The following STRN4 variants were observed in gnomAD, a reference collection of about 807,000 sequenced individuals.
STRN4 encodes striatin-4.
In STRN4, 27 loss-of-function variants were observed where a neutral mutation model predicts 77.9. The observed-to-expected ratio is 0.35, with a 90% CI of 0.26 to 0.48. The LOEUF is 0.48. Ranked by LOEUF, STRN4 falls within the 20% of genes least tolerant of loss-of-function variation. STRN4 has a pLI of 0.99. For synonymous variants in STRN4, 466 were observed against 443.1 expected (o/e 1.05, Z -0.65); for missense variants, 798 against 1,049.7 (o/e 0.76, Z 3.31).
intron 8 of STRN4, 110 bp from the exon 9 acceptor site, chr19:46,727,656 A>C (rs769600295): frequency 1.1e-4 from 101 of 928,202 alleles, no homozygotes; most frequent in Non-Finnish European, 1.6e-4. Context: ...AGAGCAAGAG[A>C]GAGAGACGGG....
In STRN4 at chr19:46,722,909, G is replaced by A. The variant is rs887865286; in HGVS notation, c.1807C>T (p.Pro603Ser). ...PTSVAFTSTE[P>S]AHIVASFRSG... ...CGGAAGGAGGCCACGATGTGGGCAG[G>A]CTCGGTGCTGGTGAAGGCCACTGAG... The change falls in exon 14 of 18, where the codon CCT (proline) becomes TCT (serine). Residue 603 changes from proline (P) to serine (S), a missense_variant. Transcript: ENST00000263280. The A allele has an allele frequency of 1.2e-6, 2 of 1,613,834 alleles. No homozygotes were observed. Among genetic ancestry groups the A allele is most frequent in the African/African-American group, 2.7e-5 (2 of 74,958 alleles).
Position 46,725,607 on chromosome 19 carries a change from G to A in STRN4, c.1290C>T (p.Pro430=), listed in dbSNP as rs748978868. ...SKDAFKKTWN[P]KFTLRSHYDG... ...CGTAGTGCGAGCGCAGGGTGAACTT[G>A]GGGTTCCACGTCTTCTTAAAAGCAT... Residue 430 remains proline, a synonymous_variant, in exon 10 of 18, where the codon CCC becomes CCT. Coordinates refer to ENST00000263280, the MANE Select transcript of STRN4 (RefSeq NM_013403.3). The A allele has an allele frequency of 1.1e-5, 17 of 1,614,192 alleles. No homozygotes were observed. In the East Asian group the frequency reaches 3.8e-4, roughly 36 times the overall value.
At chr19:46,742,734 T>G (rs1263930924) in intron 1 of STRN4, among the ~76,000 whole-genome samples, 1 of 152,112 alleles carries the variant, frequency 6.6e-6, no homozygotes, top group Non-Finnish European at 1.5e-5. Flanking sequence ...GACTAATTTC[T>G]GTATTTTTAG....
chr19:46,728,872 C>A (rs1233664342), intron 6 of STRN4, 95 bp from the exon 7 acceptor site: 2 of 1,533,132 alleles, frequency 1.3e-6, no homozygotes, highest in South Asian at 2.5e-5. Flanking sequence ...GGGCTCTGGG[C>A]CCGTTTCTGT....
At chr19:46,730,913 C>G in intron 5 of STRN4, 40 bp from the exon 6 acceptor site, 1 of 1,601,722 alleles carries the variant, frequency 6.2e-7, no homozygotes, top group Non-Finnish European at 8.5e-7. Context: ...TGAGTCCTGG[C>G]AGGTGTCAAA....
In STRN4 at chr19:46,724,838, T is replaced by A; in HGVS notation, c.1563A>T (p.Pro521=). The change falls in exon 12 of 18, where the codon CCA becomes CCT. Residue 521 remains proline, a synonymous_variant. Transcript: ENST00000263280. ...CATCATAGGGATCCATGCTGAGGTC[T>A]GGAATCTTCCAACTATGGATGCAGG... is the stretch of plus-strand genomic sequence containing the variant. The part of the protein sequence containing the change: ...ADACIHSWKI[P]DLSMDPYDGY... The A allele has an allele frequency of 6.2e-7, 1 of 1,613,876 alleles. No homozygotes were observed.
rs2054298484 is a variant in STRN4 at position 46,733,523 on chromosome 19, A to C, written c.540-287T>G. On this transcript the variant is annotated intron_variant, in intron 4 of 17. Transcript: ENST00000263280. The surrounding 1 kb of genome is among the most constrained non-coding windows in gnomAD (Gnocchi z 4.3). Reference sequence around the variant, plus strand: ...ACCCACCGACAGGGGCTGTGTCAGCAAATGACTCATAGCGCTGCAAGGCAG... The same window carrying C: ...ACCCACCGACAGGGGCTGTGTCAGCCAATGACTCATAGCGCTGCAAGGCAG... 2.4e-6 allele frequency: 1 copy of C among 409,052 alleles called. No homozygotes were observed. The highest frequency in any genetic ancestry group is 4.5e-6 in the Non-Finnish European group (1 of 222,680). The allele number at this position is 409,052 out of a possible 1,614,324, so 25.3% of individuals were successfully genotyped here. A position where few individuals can be genotyped will look rare whatever the true frequency, so the allele number is the denominator to read the frequency against.
chr19:46,741,328 C>G lies in STRN4; in HGVS notation c.283-2440G>C, dbSNP rs1446277427. Among the ~76,000 whole-genome samples, 1 of 152,212 alleles carries G rather than the reference C, an allele frequency of 6.6e-6. No homozygotes were observed. Among genetic ancestry groups the G allele is most frequent in the Non-Finnish European group, 1.5e-5 (1 of 68,036 alleles). On this transcript the variant is annotated intron_variant, in intron 1 of 17. Coordinates refer to ENST00000263280, the MANE Select transcript of STRN4 (RefSeq NM_013403.3). This position sits in a 1 kb window ranked among gnomAD's most constrained non-coding sequence, Gnocchi z 4.9. ...CCTGTCACTGGCTGGGTTCCCCCTT[C>G]ATCCCTCTGCTGCCTCATCGAGCTG... is the stretch of plus-strand genomic sequence containing the variant.
At chr19:46,730,942 C>G in intron 5 of STRN4, 69 bp from the exon 6 acceptor site, 1 of 1,585,316 alleles carries the variant, frequency 6.3e-7, no homozygotes, top group Non-Finnish European at 8.6e-7. Flanking sequence ...AGGAAGGTGC[C>G]CTCCCAGGCT....
intron 1 of STRN4, chr19:46,740,121 T>A (rs535521618): frequency 6.6e-6 from 1 of 152,234 alleles, no homozygotes; most frequent in South Asian, 2.1e-4. Context: ...ACCCCATCTC[T>A]ACTAAAAATA....
chr19:46,728,860 C>G, intron 6 of STRN4, 83 bp from the exon 7 acceptor site: 1 of 1,557,454 alleles, frequency 6.4e-7, no homozygotes, highest in South Asian at 1.2e-5. Flanking sequence ...ACAGGTAAGC[C>G]GGGGCTCTGG....
chr19:46,727,754 A>T, intron 8 of STRN4, 140 bp downstream of exon 8: 2 of 827,880 alleles, frequency 2.4e-6, no homozygotes, highest in Non-Finnish European at 3.7e-6. Context: ...ACAGACAGAC[A>T]GACGAACTTT....
chr19:46,738,745 C>T lies in STRN4; in HGVS notation c.386+40G>A, dbSNP rs202190479. The T allele has an allele frequency of 1.1e-5, 18 of 1,604,244 alleles. No homozygotes were observed. The highest frequency in any genetic ancestry group is 1.1e-4 in the African/African-American group (8 of 74,830). ...TGGCCTCCTGACACTGTGCTTGAGA[C>T]GGACCCAGAAGGCAGGCCCAGGGCA... On this transcript the variant is annotated intron_variant, in intron 2 of 17. Coordinates refer to ENST00000263280, the MANE Select transcript of STRN4 (RefSeq NM_013403.3). This position sits in a 1 kb window ranked among gnomAD's most constrained non-coding sequence, Gnocchi z 4.5.
intron 12 of STRN4, among the ~76,000 whole-genome samples, chr19:46,724,059 T>G: frequency 6.6e-6 from 1 of 151,722 alleles, no homozygotes; most frequent in East Asian, 1.9e-4. Context: ...ACCAGCCTGG[T>G]CAACGTGGTG....
chr19:46,732,004 G>T (rs528304300), intron 5 of STRN4: 73 of 152,318 alleles, frequency 4.8e-4, no homozygotes, highest in African/African-American at 1.7e-3. Flanking sequence ...CAACCTCGGC[G>T]GCCCCCAGAA....
At chr19:46,728,588 G>A in intron 7 of STRN4, 30 bp downstream of exon 7, 2 of 1,602,386 alleles carry the variant, frequency 1.2e-6, no homozygotes, top group Non-Finnish European at 1.7e-6. Context: ...GGGAAGGCAA[G>A]CGGGGGCTGG....
Position 46,721,999 on chromosome 19 carries a change from G to A in STRN4, c.2079C>T (p.Phe693=). 1 of 1,613,828 alleles carries A rather than the reference G, an allele frequency of 6.2e-7. No individual in the cohort carries two copies. Among genetic ancestry groups the A allele is most frequent in the Non-Finnish European group, 8.5e-7 (1 of 1,180,020 alleles). ...TCLAVDPNGA[F]LMSGSHDCSL... ...TGCTCAACTTACTTCCTGACATCAGGAATGCGCCGTTGGGGTCCACGGCTA... is the reference window on the plus strand; with the variant it reads ...TGCTCAACTTACTTCCTGACATCAGAAATGCGCCGTTGGGGTCCACGGCTA... The change falls in exon 16 of 18, where the codon TTC becomes TTT. Residue 693 remains phenylalanine (F), a synonymous_variant. Transcript: ENST00000263280.
chr19:46,733,477 AGCAC>A lies in STRN4; in HGVS notation c.540-245_540-242del. On this transcript the variant is annotated intron_variant, in intron 4 of 17. Coordinates refer to ENST00000263280, the MANE Select transcript of STRN4 (RefSeq NM_013403.3). The surrounding 1 kb of genome is among the most constrained non-coding windows in gnomAD (Gnocchi z 4.3). ...CTGCACTGCTGTATGGGGAAGCCGAAGCACAGGGACCAGCCTCAGCACCCACCGA... is the reference window on the plus strand; with the variant it reads ...CTGCACTGCTGTATGGGGAAGCCGAAAGGGACCAGCCTCAGCACCCACCGA... The A allele has an allele frequency of 1.9e-6, 1 of 518,668 alleles. No individual in the cohort carries two copies. The highest frequency in any genetic ancestry group is 3.5e-5 in the Admixed American group (1 of 28,752). The allele number at this position is 518,668 out of a possible 1,614,324, so 32.1% of individuals were successfully genotyped here. A position where few individuals can be genotyped will look rare whatever the true frequency, so the allele number is the denominator to read the frequency against.
Position 46,746,407 on chromosome 19 carries a change from G to A in STRN4, c.24C>T (p.Ala8=), listed in dbSNP as rs1019521143. The A allele has an allele frequency of 1.3e-5, 14 of 1,050,638 alleles. No homozygotes were observed. Among genetic ancestry groups the A allele is most frequent in the Admixed American group, 1.1e-4 (2 of 18,134 alleles). 65.1% of individuals were successfully genotyped at this position (1,050,638 alleles called of 1,614,324 possible). MMEERAA[A]AVAAAASSCR... is the part of the protein sequence containing the mutation. Reference sequence around the variant, plus strand: ...AGGAGGAGGCGGCGGCGGCGACCGCGGCGGCCGCTCGCTCCTCCATCATGG... The same window carrying A: ...AGGAGGAGGCGGCGGCGGCGACCGCAGCGGCCGCTCGCTCCTCCATCATGG... Residue 8 remains alanine, a synonymous_variant, in exon 1 of 18, where the codon GCC becomes GCT. Transcript: ENST00000263280.
Sources: gnomAD v4.1 joint callset for allele counts (sites outside exome capture counted in the v4.1 genomes callset) on GRCh38, gnomAD v4.1.1 for gene constraint, Gnocchi (gnomAD v3.1) non-coding constraint, MANE v1.5 for transcripts, NCBI Gene and HGNC (gene_info 2026-07-23, HGNC 2026-07-21) for gene names.